The following BRINP3 variants were observed in gnomAD, a reference collection of about 807,000 sequenced individuals.
The protein encoded by BRINP3 is BMP/retinoic acid inducible neural specific 3, also known as BMP/retinoic acid-inducible neural-specific protein 3.
BRINP3 carries 19 observed loss-of-function variants against 71.0 expected under a neutral mutation model. The ratio of observed to expected loss-of-function variants is 0.27; its 90% CI spans 0.19 to 0.39. The LOEUF (loss-of-function observed/expected upper bound fraction) is 0.39, where lower values mean the gene tolerates loss of function less well. Ranked by LOEUF, BRINP3 falls within the 10% of genes least tolerant of loss-of-function variation. The pLI is 1.00. For missense variants in BRINP3, 959 were observed against 940.8 expected, an observed-to-expected ratio of 1.02 and a Z score of -0.25; for synonymous variants, 380 against 337.7, an observed-to-expected ratio of 1.13 and a Z score of -1.37.
chr1:190,233,118 A>T (rs947330832), intron 5 of BRINP3, among the ~76,000 whole-genome samples: 27 of 151,664 alleles, frequency 1.8e-4, no homozygotes, highest in South Asian at 4.2e-4. Flanking sequence ...TAATTAATTA[A>T]TTTTTTTTTA....
At chr1:190,400,380 G>A (rs2102352339) in intron 2 of BRINP3, among the ~76,000 whole-genome samples, 1 of 152,200 alleles carries the variant, frequency 6.6e-6, no homozygotes, top group South Asian at 2.1e-4. Flanking sequence ...AAATTGTCGA[G>A]TTAGGCAAAA....
At chr1:190,412,414 T>TACAC (rs36065056) in intron 2 of BRINP3, among the ~76,000 whole-genome samples, 2 of 141,272 alleles carry the variant, frequency 1.4e-5, no homozygotes, top group Non-Finnish European at 3.1e-5. Context: ...TATATATATA[T>TACAC]ACACTTTTTT....
chr1:190,217,854 G>C (rs966285922), intron 6 of BRINP3, among the ~76,000 whole-genome samples: 1 of 151,980 alleles, frequency 6.6e-6, no homozygotes, highest in Admixed American at 6.6e-5. Flanking sequence ...TAAGAAGTCT[G>C]ACTTTTGTTA....
At chr1:190,467,881 ACT>A (rs1300271931) in intron 1 of BRINP3, among the ~76,000 whole-genome samples, 2 of 151,542 alleles carry the variant, frequency 1.3e-5, no homozygotes, top group African/African-American at 4.8e-5. Flanking sequence ...AAAAAGAATC[ACT>A]CAAATTTTGA....
intron 2 of BRINP3, among the ~76,000 whole-genome samples, chr1:190,286,444 A>G (rs937356673): frequency 7.2e-5 from 11 of 152,152 alleles, no homozygotes; most frequent in African/African-American, 2.4e-4. Context: ...TGATTTCTTT[A>G]AAAGTACACA....
At chr1:190,381,598 C>T (rs1424515988) in intron 2 of BRINP3, among the ~76,000 whole-genome samples, 1 of 152,026 alleles carries the variant, frequency 6.6e-6, no homozygotes, top group East Asian at 1.9e-4. Context: ...AAGTTTTCCC[C>T]TTAGCCATTT....
intron 2 of BRINP3, among the ~76,000 whole-genome samples, chr1:190,443,690 G>T (rs111899304): frequency 1.2e-4 from 19 of 152,204 alleles, no homozygotes; most frequent in Non-Finnish European, 2.4e-4. Context: ...CCAAACCAAT[G>T]TCTGTTATCC....
At chr1:190,455,525 G>A (rs1675928221) in intron 1 of BRINP3, among the ~76,000 whole-genome samples, 1 of 152,198 alleles carries the variant, frequency 6.6e-6, no homozygotes, top group South Asian at 2.1e-4. Flanking sequence ...GAGTGAGACA[G>A]AGAGATGATA....
intron 7 of BRINP3, among the ~76,000 whole-genome samples, chr1:190,153,046 T>C (rs943499465): frequency 6.6e-6 from 1 of 152,130 alleles, no homozygotes; most frequent in Non-Finnish European, 1.5e-5. Context: ...ATGTAAGCTA[T>C]ATCAAGAATT....
At chr1:190,258,085 C>G (rs559060281) in intron 4 of BRINP3, among the ~76,000 whole-genome samples, 2 of 152,352 alleles carry the variant, frequency 1.3e-5, no homozygotes, top group South Asian at 4.1e-4. Context: ...TGCCCTGCCC[C>G]CAGAGGTGGA....
At position 190,183,401 on chromosome 1, in the gene BRINP3, T is replaced by G. The variant is rs188968683; in HGVS notation, c.962-22511A>C. 2.2e-4 allele frequency among the ~76,000 whole-genome samples: 33 copies of G among 152,194 alleles called. No homozygotes were observed. In the East Asian group the frequency reaches 6.2e-3, roughly 29 times the overall value. ...TGGGAACTACTAGGTCTTATTTAAA[T>G]GTGTTTTTGTAACTCATGTCTGACT... On this transcript the variant is annotated intron_variant, in intron 6 of 7. Coordinates refer to ENST00000367462, the MANE Select transcript of BRINP3 (RefSeq NM_199051.3).
intron 2 of BRINP3, among the ~76,000 whole-genome samples, chr1:190,363,028 AAT>A (rs1669249647): frequency 6.6e-6 from 1 of 152,122 alleles, no homozygotes; most frequent in African/African-American, 2.4e-5. Context: ...CTTTGAGTTA[AAT>A]ATAATGATAA....
At chr1:190,115,948 G>C (rs563576213) in intron 7 of BRINP3, among the ~76,000 whole-genome samples, 5 of 152,184 alleles carry the variant, frequency 3.3e-5, no homozygotes, top group African/African-American at 7.2e-5. Flanking sequence ...ACCTCAAAAA[G>C]TTGCCAGTCG....
At chr1:190,449,180 G>C (rs969261412) in intron 2 of BRINP3, among the ~76,000 whole-genome samples, 7 of 151,850 alleles carry the variant, frequency 4.6e-5, no homozygotes, top group African/African-American at 1.5e-4. Context: ...ACTAAACTCT[G>C]TGTGATAATT....
chr1:190,219,549 C>T (rs1391620043), intron 6 of BRINP3, among the ~76,000 whole-genome samples: 2 of 151,872 alleles, frequency 1.3e-5, no homozygotes, highest in Non-Finnish European at 2.9e-5. Flanking sequence ...TTTGAAAATA[C>T]ATAGTCAGGG....
In BRINP3 at chr1:190,204,192, A is replaced by G. The variant is rs963722708; in HGVS notation, c.961+21890T>C. On this transcript the variant is annotated intron_variant, in intron 6 of 7. Transcript: ENST00000367462. ...ATCAAGACTTACCCACTCCAGAAAA[A>G]CTTTGTAAAATAAATAAGACCTGAG... Among the ~76,000 whole-genome samples, 13 of 151,926 alleles carry G rather than the reference A, an allele frequency of 8.6e-5. No individual in the cohort carries two copies. In the South Asian group the frequency reaches 1.4e-3, roughly 17 times the overall value.
At chr1:190,099,790 T>C (rs960750650) in intron 7 of BRINP3, among the ~76,000 whole-genome samples, 1 of 152,206 alleles carries the variant, frequency 6.6e-6, no homozygotes, top group Non-Finnish European at 1.5e-5. Flanking sequence ...TGAAAATATC[T>C]CATTAAAATC....
intron 2 of BRINP3, among the ~76,000 whole-genome samples, chr1:190,377,415 A>G (rs1277854459): frequency 1.3e-5 from 2 of 152,016 alleles, no homozygotes; most frequent in African/African-American, 4.8e-5. Flanking sequence ...CAGAAATAAG[A>G]CAAGGATGTC....
At chr1:190,237,301 C>T (rs1431579380) in intron 4 of BRINP3, among the ~76,000 whole-genome samples, 1 of 151,690 alleles carries the variant, frequency 6.6e-6, no homozygotes, top group Non-Finnish European at 1.5e-5. Context: ...ATAAATCTAT[C>T]TTTCAATTGT....
Sources: gnomAD v4.1 joint callset for allele counts (sites outside exome capture counted in the v4.1 genomes callset) on GRCh38, gnomAD v4.1.1 for gene constraint, MANE v1.5 for transcripts, NCBI Gene and HGNC (gene_info 2026-07-23, HGNC 2026-07-21) for gene names.